Variants in KAZN observed in about 807,000 individuals in gnomAD.
KAZN encodes kazrin, periplakin interacting protein.
Under a neutral mutation model 87.4 loss-of-function variants are expected in KAZN, and 40 were observed. That is an observed-to-expected ratio of 0.46 (90% confidence interval 0.36 to 0.60). The LOEUF is 0.60. Ranked by LOEUF, KAZN falls within the 20% of genes least tolerant of loss-of-function variation. KAZN has a pLI of 0.00. For synonymous variants in KAZN, 466 were observed against 458.3 expected (o/e 1.02, Z -0.22); for missense variants, 898 against 1,073.9 (o/e 0.84, Z 2.29).
chr1:14,776,879 T>C (rs907809269), intron 1 of KAZN, among the ~76,000 whole-genome samples: 3 of 139,922 alleles, frequency 2.1e-5, no homozygotes, highest in Non-Finnish European at 4.5e-5. Context: ...GAGGCTGCAG[T>C]GAGCTATGAG....
At chr1:14,557,422 T>A (rs960655385) in intron 2 of KAZN, among the ~76,000 whole-genome samples, 1 of 152,152 alleles carries the variant, frequency 6.6e-6, no homozygotes, top group Non-Finnish European at 1.5e-5. Context: ...AGGTGCCAGA[T>A]ACATAAATGA....
At chr1:14,889,555 C>T (rs987976057) in intron 1 of KAZN, among the ~76,000 whole-genome samples, 1 of 152,188 alleles carries the variant, frequency 6.6e-6, no homozygotes, top group Non-Finnish European at 1.5e-5. Context: ...ACTTAGCACT[C>T]ACTGTCTCCT....
chr1:13,961,594 A>C (rs1263854084), intron 1 of KAZN, among the ~76,000 whole-genome samples: 1 of 152,176 alleles, frequency 6.6e-6, no homozygotes, highest in African/African-American at 2.4e-5. Context: ...TAATACATAC[A>C]GTGGTACAAG....
intron 1 of KAZN, among the ~76,000 whole-genome samples, chr1:14,685,435 G>A (rs574494179): frequency 1.8e-4 from 28 of 152,338 alleles, no homozygotes; most frequent in African/African-American, 6.5e-4. Context: ...TGCGGGCAGT[G>A]GTAGCTAGAA....
intron 1 of KAZN, among the ~76,000 whole-genome samples, chr1:13,993,502 C>G (rs1260814054): frequency 1.3e-5 from 2 of 152,172 alleles, no homozygotes; most frequent in Non-Finnish European, 2.9e-5. Flanking sequence ...CTGGCATTGT[C>G]TTTCCTATTT....
At position 15,067,071 on chromosome 1, in the gene KAZN, C is replaced by T. The variant is rs118091995; in HGVS notation, c.1222+1318C>T. ...GGGACCCTGGCCTGAGTCTGTTCTC[C>T]GAGGGGCCTCCAGCAGCTTCTGTTC... On this transcript the variant is annotated intron_variant, in intron 8 of 14. Transcript: ENST00000376030. 3.0e-4 allele frequency: 294 copies of T among 985,744 alleles called. 4 individuals are homozygous for T. The East Asian group carries it at 0.029, about 97-fold the overall frequency. The allele number at this position is 985,744 out of a possible 1,614,324, so 61.1% of individuals were successfully genotyped here.
intron 1 of KAZN, among the ~76,000 whole-genome samples, chr1:14,621,820 CT>C (rs972605020): frequency 1.3e-5 from 2 of 152,218 alleles, no homozygotes; most frequent in African/African-American, 4.8e-5. Context: ...GAGGCCCCCC[CT>C]CAACCATGTG....
At chr1:14,105,215 C>G (rs796618516) in intron 1 of KAZN, among the ~76,000 whole-genome samples, 2 of 152,126 alleles carry the variant, frequency 1.3e-5, no homozygotes, top group Non-Finnish European at 2.9e-5. Context: ...TAGTTATAGA[C>G]CAAGAGAAGC....
intron 2 of KAZN, among the ~76,000 whole-genome samples, chr1:14,439,123 G>T (rs1051637865): frequency 2.6e-5 from 4 of 152,118 alleles, no homozygotes; most frequent in Admixed American, 6.5e-5. Context: ...ATCCAAAACT[G>T]AACTCATCGT....
chr1:14,226,629 T>C (rs1363737423), intron 2 of KAZN, among the ~76,000 whole-genome samples: 1 of 152,142 alleles, frequency 6.6e-6, no homozygotes, highest in Non-Finnish European at 1.5e-5. Flanking sequence ...CTATTCAGAA[T>C]AGCAAAGACA....
At position 13,947,074 on chromosome 1, in the gene KAZN, A is replaced by AT. The variant is rs375238884; in HGVS notation, c.91+53320dup. Among the ~76,000 whole-genome samples, 74 of 152,150 alleles carry AT rather than the reference A, an allele frequency of 4.9e-4. 1 individual carries two copies. Among genetic ancestry groups the AT allele is most frequent in the African/African-American group, 1.5e-3 (62 of 41,516 alleles). ...TGATCTCTGCCCCCATGGTCACTGT[A>AT]TTAGTCTGTTTTCACACTGCTATAA... is the stretch of plus-strand genomic sequence containing the variant. On this transcript the variant is annotated intron_variant, in intron 1 of 16. Coordinates refer to the KAZN transcript ENST00000636203.
chr1:14,904,161 G>C (rs969028209), intron 1 of KAZN, among the ~76,000 whole-genome samples: 1 of 152,142 alleles, frequency 6.6e-6, no homozygotes, highest in African/African-American at 2.4e-5. Flanking sequence ...GCCTGTTATG[G>C]AAATTCTTTC....
chr1:14,117,088 A>T (rs144082001), intron 1 of KAZN, among the ~76,000 whole-genome samples: 2 of 152,178 alleles, frequency 1.3e-5, no homozygotes, highest in Non-Finnish European at 2.9e-5. Flanking sequence ...CTTGGATGAG[A>T]CTTCGGACTG....
At chr1:14,775,897 T>C (rs4661529) in intron 1 of KAZN, among the ~76,000 whole-genome samples, 25,672 of 152,214 alleles carry the variant, frequency 0.17, 2,283 homozygotes, top group African/African-American at 0.22. Context: ...CACAGGCCCT[T>C]TCCTACAGCG....
At chr1:15,033,012 A>G (rs1005131485) in intron 2 of KAZN, among the ~76,000 whole-genome samples, 1 of 152,172 alleles carries the variant, frequency 6.6e-6, no homozygotes, top group Non-Finnish European at 1.5e-5. Context: ...TATACTGAAC[A>G]TGTACAGATT....
chr1:15,009,227 G>A (rs1361874485), intron 2 of KAZN, among the ~76,000 whole-genome samples: 2 of 152,228 alleles, frequency 1.3e-5, no homozygotes, highest in South Asian at 4.1e-4. Flanking sequence ...CCCAGGGTTA[G>A]AGCCTGGGAT....
intron 1 of KAZN, among the ~76,000 whole-genome samples, chr1:14,667,147 T>A (rs1639612915): frequency 6.6e-6 from 1 of 152,188 alleles, no homozygotes; most frequent in South Asian, 2.1e-4. Flanking sequence ...GGATGTGAAT[T>A]TTTTGTGGAC....
chr1:15,113,783 A>T (rs1333945769), intron 14 of KAZN: 1 of 152,176 alleles, frequency 6.6e-6, no homozygotes, highest in Non-Finnish European at 1.5e-5. Flanking sequence ...CCTCCTGAGT[A>T]GCAGGGACTA....
chr1:15,033,946 G>A (rs546600638), intron 2 of KAZN, among the ~76,000 whole-genome samples: 1 of 152,230 alleles, frequency 6.6e-6, no homozygotes, highest in African/African-American at 2.4e-5. Flanking sequence ...CACCATGTTG[G>A]CCAGGCTGGT....
Sources: gnomAD v4.1 joint callset for allele counts (sites outside exome capture counted in the v4.1 genomes callset) on GRCh38, gnomAD v4.1.1 for gene constraint, MANE v1.5 for transcripts, NCBI Gene and HGNC (gene_info 2026-07-23, HGNC 2026-07-21) for gene names.